BECN1: variants seen among roughly 807,000 people sequenced by gnomAD.
The protein encoded by BECN1 is beclin 1, also known as beclin-1.
BECN1 carries 15 observed loss-of-function variants against 60.1 expected under a neutral mutation model. The ratio of observed to expected loss-of-function variants is 0.25; its 90% CI spans 0.17 to 0.38. BECN1 has a LOEUF of 0.38. Ranked by LOEUF, BECN1 falls within the 10% of genes least tolerant of loss-of-function variation. The pLI is 1.00. For synonymous variants in BECN1, 179 were observed against 201.8 expected, an observed-to-expected ratio of 0.89 and a Z score of 0.96; for missense variants, 424 against 548.2, an observed-to-expected ratio of 0.77 and a Z score of 2.26.
intron 2 of BECN1, among the ~76,000 whole-genome samples, chr17:42,821,578 T>C (rs1479488936): frequency 6.6e-6 from 1 of 152,208 alleles, no homozygotes; most frequent in Non-Finnish European, 1.5e-5. Flanking sequence ...AACATCCTGT[T>C]TCCCCCAGAA....
At position 42,813,939 on chromosome 17, in the gene BECN1, A is replaced by G. The variant is rs1307885480; in HGVS notation, c.1041+9T>C. The G allele has an allele frequency of 6.3e-7, 1 of 1,576,682 alleles. No individual in the cohort carries two copies. The highest frequency in any genetic ancestry group is 1.8e-5 in the Admixed American group (1 of 55,852). On this transcript the variant is annotated intron_variant, in intron 10 of 11. Coordinates refer to ENST00000590099, the MANE Select transcript of BECN1 (RefSeq NM_001313998.2). ...TGTATTCCAGTGAAAATGGAGCTTC[A>G]CAGAGTACCTTAGATTTGTCTGTCA... is the stretch of plus-strand genomic sequence containing the variant.
Position 42,818,633 on chromosome 17 carries a change from A to T in BECN1, c.399T>A (p.Asp133Glu), listed in dbSNP as rs1216331213. The T allele has an allele frequency of 1.2e-6, 2 of 1,614,154 alleles. No individual in the cohort carries two copies. Among genetic ancestry groups the T allele is most frequent in the South Asian group, 2.2e-5 (2 of 91,088 alleles). Residue 133 changes from aspartate (D) to glutamate (E), a missense_variant, in exon 6 of 12, where the codon GAT (aspartate) becomes GAA (glutamate). Transcript: ENST00000590099. ...FDIMSGQTDV[D>E]HPLCEECTDT... The stretch of plus-strand genomic sequence containing the variant: ...CTGTGCATTCCTCACAGAGTGGGTG[A>T]TCCACATCTGTCTGGCCCGACATGA...
At position 42,815,910 on chromosome 17, in the gene BECN1, G is replaced by C; in HGVS notation, c.828C>G (p.Ile276Met). ...KTNVFNATFH[I>M]WHSGQFGTIN... ...CCTCATCCCCTAGCTCTCATTACCA[G>C]ATGTGGAAGGTTGCATTAAAGACGT... The change falls in exon 8 of 12, where the codon ATC becomes ATG. Residue 276 changes from isoleucine (I) to methionine (M), a missense_variant and splice_region_variant. Ile to Met is a conservative substitution (Grantham distance 10). Coordinates refer to ENST00000590099, the MANE Select transcript of BECN1 (RefSeq NM_001313998.2). The C allele has an allele frequency of 6.2e-7, 1 of 1,614,200 alleles. No individual in the cohort carries two copies. Among genetic ancestry groups the C allele is most frequent in the Non-Finnish European group, 8.5e-7 (1 of 1,180,030 alleles).
At position 42,810,817 on chromosome 17, in the gene BECN1, C is replaced by G; in HGVS notation, c.1296G>C (p.Met432Ile). Residue 432 changes from methionine to isoleucine, a missense_variant, in exon 12 of 12, where the codon ATG becomes ATC. Physicochemically the swap from Met to Ile is conservative, Grantham distance 10 (BLOSUM62 1). Coordinates refer to ENST00000590099, the MANE Select transcript of BECN1 (RefSeq NM_001313998.2). ...EEQWTKALKF[M>I]LTNLKWGLAW... ...CAAGACCCCACTTAAGATTCGTCAG[C>G]ATGAACTTGAGAGCTTTTGTCCACT... 6.2e-7 allele frequency: 1 copy of G among 1,613,526 alleles called. No homozygotes were observed. Among genetic ancestry groups the G allele is most frequent in the African/African-American group, 1.3e-5 (1 of 75,024 alleles).
In BECN1 at chr17:42,814,625, C is replaced by T. The variant is rs1346735659; in HGVS notation, c.879G>A (p.Leu293=). ...GTINNFRLGR[L]PSVPVEWNEI... Reference sequence around the variant, plus strand: ...CATTCCATTCCACGGGAACACTGGGCAGGCGACCCAGCCTGAAGTTATTGA... The same window carrying T: ...CATTCCATTCCACGGGAACACTGGGTAGGCGACCCAGCCTGAAGTTATTGA... Residue 293 remains leucine, a synonymous_variant, in exon 9 of 12, where the codon CTG becomes CTA. Coordinates refer to ENST00000590099, the MANE Select transcript of BECN1 (RefSeq NM_001313998.2). 1 of 1,614,198 alleles carries T rather than the reference C, an allele frequency of 6.2e-7. No individual in the cohort carries two copies. Among genetic ancestry groups the T allele is most frequent in the Non-Finnish European group, 8.5e-7 (1 of 1,180,032 alleles).
In BECN1 at chr17:42,823,992, G is replaced by A. The variant is rs752267902; in HGVS notation, c.-2-113C>T. On this transcript the variant is annotated intron_variant, in intron 1 of 11. Coordinates refer to ENST00000590099, the MANE Select transcript of BECN1 (RefSeq NM_001313998.2). ...TAAAGGGAGGGAAGTCCCAACCTGC[G>A]CCGTTCCCTCTAGGAATGGTATGAT... The A allele has an allele frequency of 1.5e-5, 21 of 1,359,436 alleles. No individual in the cohort carries two copies. The African/African-American group carries it at 2.0e-4, about 13-fold the overall frequency. 84.2% of individuals were successfully genotyped at this position (1,359,436 alleles called of 1,614,324 possible). A position where few individuals can be genotyped will look rare whatever the true frequency, so the allele number is the denominator to read the frequency against.
intron 4 of BECN1, 46 bp downstream of exon 4, chr17:42,819,502 T>C (rs1278015582): frequency 6.3e-7 from 1 of 1,592,790 alleles, no homozygotes; most frequent in African/African-American, 1.3e-5. Flanking sequence ...TAATTAAAAT[T>C]CTACTAGCCT....
intron 2 of BECN1, 192 bp downstream of exon 2, chr17:42,823,555 GA>G: frequency 1.2e-6 from 1 of 813,014 alleles, no homozygotes. Context: ...CGCCCGGTCG[GA>G]AAGCTCTCAG....
Position 42,814,567 on chromosome 17 carries a change from G to A in BECN1, c.937C>T (p.Leu313=). ...INAAWGQTVL[L]LHALANKMGL... is the part of the protein sequence containing the mutation. ...ATCTTATTGGCCAGAGCATGGAGCA[G>A]CAACACAGTCTGGCCCCAAGCAGCA... Residue 313 remains leucine, a synonymous_variant, in exon 9 of 12, where the codon CTG becomes TTG. Transcript: ENST00000590099. 2 of 1,614,194 alleles carry A rather than the reference G, an allele frequency of 1.2e-6. No individual in the cohort carries two copies. The highest frequency in any genetic ancestry group is 1.7e-6 in the Non-Finnish European group (2 of 1,180,044).
intron 2 of BECN1, among the ~76,000 whole-genome samples, chr17:42,821,776 G>A (rs1157623213): frequency 1.3e-5 from 2 of 152,216 alleles, no homozygotes; most frequent in African/African-American, 2.4e-5. Context: ...GATGGGAGGT[G>A]AATGGAGGTG....
At chr17:42,824,104 G>C (rs1285442534) in intron 1 of BECN1, 51 bp downstream of exon 1, 7 of 532,024 alleles carry the variant, frequency 1.3e-5, no homozygotes, top group Non-Finnish European at 2.3e-5. Flanking sequence ...GAGCCGTGAG[G>C]GTTCCCAGAC....
intron 3 of BECN1, 105 bp from the exon 4 acceptor site, chr17:42,819,714 A>G: frequency 8.8e-7 from 1 of 1,142,740 alleles, no homozygotes; most frequent in Non-Finnish European, 1.3e-6. Context: ...TAACCACAAG[A>G]CTTGATAAAC....
intron 7 of BECN1, among the ~76,000 whole-genome samples, chr17:42,817,272 A>T (rs1379582793): frequency 6.6e-6 from 1 of 151,366 alleles, no homozygotes. Flanking sequence ...TCCAGCCTGG[A>T]TGACAGAGTA....
chr17:42,818,946 C>G (rs1188000214), intron 4 of BECN1, 69 bp from the exon 5 acceptor site: 2 of 1,552,330 alleles, frequency 1.3e-6, no homozygotes, highest in Non-Finnish European at 1.8e-6. Context: ...ACTACAATGC[C>G]AGTGGCAGAG....
chr17:42,814,304 G>C, intron 9 of BECN1: 1 of 623,256 alleles, frequency 1.6e-6, no homozygotes, highest in Non-Finnish European at 2.7e-6. Context: ...GGGGACTGTA[G>C]GCTGGGAACT....
In BECN1 at chr17:42,814,027, CAG is replaced by C; in HGVS notation, c.981-21_981-20del. The C allele has an allele frequency of 6.4e-7, 1 of 1,555,622 alleles. No individual in the cohort carries two copies. The highest frequency in any genetic ancestry group is 8.8e-7 in the Non-Finnish European group (1 of 1,133,962). On this transcript the variant is annotated intron_variant, in intron 9 of 11. Transcript: ENST00000590099. Reference sequence around the variant, plus strand: ...TCGGTATCTAAAATAGAGATACAAACAGAGATGGATACAGGACTCCTCCCAAA... The same window carrying C: ...TCGGTATCTAAAATAGAGATACAAACAGATGGATACAGGACTCCTCCCAAA...
rs769170083 is a variant in BECN1 at position 42,811,781 on chromosome 17, C to T, written c.1058G>A (p.Cys353Tyr). The T allele has an allele frequency of 1.2e-6, 2 of 1,614,032 alleles. No individual in the cohort carries two copies. Among genetic ancestry groups the T allele is most frequent in the Non-Finnish European group, 8.5e-7 (1 of 1,179,974 alleles). Reference protein sequence around the residue: ...TDKSKELPLYCSGGLRFFWDN... With the variant: ...TDKSKELPLYYSGGLRFFWDN... The stretch of plus-strand genomic sequence containing the variant: ...CCAGAAAAACCGCAACCCCCCAGAA[C>T]AGTATAACGGCAGCTCCTGCCCAAG... The change falls in exon 11 of 12, where the codon TGT (cysteine) becomes TAT (tyrosine). Residue 353 changes from cysteine to tyrosine, a missense_variant. Transcript: ENST00000590099.
At position 42,816,050 on chromosome 17, in the gene BECN1, G is replaced by T; in HGVS notation, c.688C>A (p.Gln230Lys). The change falls in exon 8 of 12, where the codon CAG becomes AAG. Residue 230 changes from glutamine to lysine, a missense_variant. Gln to Lys is a moderately conservative substitution (Grantham distance 53). Transcript: ENST00000590099. The part of the protein sequence containing the change: ...ERLDQEEAQY[Q>K]REYSEFKRQQ... ...CGTTTAAATTCACTGTATTCTCTCT[G>T]ATACCTGTGAGCAGCCAAGGGGGCC... 1 of 1,586,610 alleles carries T rather than the reference G, an allele frequency of 6.3e-7. No individual in the cohort carries two copies. Among genetic ancestry groups the T allele is most frequent in the Non-Finnish European group, 8.6e-7 (1 of 1,166,742 alleles).
In BECN1 at chr17:42,818,627, T is replaced by G; in HGVS notation, c.405A>C (p.Pro135=). The G allele has an allele frequency of 6.2e-7, 1 of 1,613,982 alleles. No homozygotes were observed. Among genetic ancestry groups the G allele is most frequent in the Non-Finnish European group, 8.5e-7 (1 of 1,179,976 alleles). ...GAGTATCTGTGCATTCCTCACAGAG[T>G]GGGTGATCCACATCTGTCTGGCCCG... ...IMSGQTDVDH[P]LCEECTDTLL... The change falls in exon 6 of 12, where the codon CCA becomes CCC. Residue 135 remains proline (P), a synonymous_variant. Transcript: ENST00000590099.
Sources: gnomAD v4.1 joint callset for allele counts (sites outside exome capture counted in the v4.1 genomes callset) on GRCh38, gnomAD v4.1.1 for gene constraint, MANE v1.5 for transcripts, NCBI Gene and HGNC (gene_info 2026-07-23, HGNC 2026-07-21) for gene names.